Variants in RP1 observed in about 807,000 individuals in gnomAD.
RP1 encodes oxygen-regulated protein 1.
A neutral mutation model predicts 14.8 loss-of-function variants in RP1; 16 were observed. The ratio of observed to expected loss-of-function variants is 1.08; its 90% CI spans 0.73 to 1.65. RP1 has a LOEUF of 1.65. Among genes scored for constraint, RP1 ranks in the 40% most tolerant of loss-of-function variants. RP1 has a pLI of 0.00. For synonymous variants in RP1, 876 were observed against 883.6 expected (o/e 0.99, Z 0.15); for missense variants, 2,631 against 2,535.0 (o/e 1.04, Z -0.81).
rs553641193 is a variant in RP1 at position 54,701,134 on chromosome 8, C to T, written c.1822-352C>T. Among the ~76,000 whole-genome samples the T allele has an allele frequency of 7.6e-4, 116 of 152,064 alleles. 1 individual carries two copies. The highest frequency in any genetic ancestry group is 2.6e-3 in the African/African-American group (108 of 41,496). On this transcript the variant is annotated intron_variant, in intron 13 of 22. Transcript: ENST00000636932. ...TTTAGGAATGAGATAAAATTTCTAT[C>T]GATTTCAGTTTTTAGTCCCAAATAC...
chr8:54,810,779 T>C (rs190601555), intron 24 of RP1, among the ~76,000 whole-genome samples: 15 of 152,254 alleles, frequency 9.9e-5, no homozygotes, highest in African/African-American at 2.9e-4. Flanking sequence ...CACAGAAGAT[T>C]CACAACTGCA....
At position 54,628,181 on chromosome 8, in the gene RP1, A is replaced by G. The variant is rs148918111; in HGVS notation, c.4299A>G (p.Ala1433=). ...TAAGGAAGTTTCAGGATGAAAATGC[A>G]TATACTTCCTTTGATATGGAAGAAC... ...CSLRKFQDEN[A]YTSFDMEEPR... is the part of the protein sequence containing the mutation. The change falls in exon 4 of 4, where the codon GCA becomes GCG. Residue 1433 remains alanine (A), a synonymous_variant. Coordinates refer to ENST00000220676, the MANE Select transcript of RP1 (RefSeq NM_006269.2). 191 of 1,613,920 alleles carry G rather than the reference A, an allele frequency of 1.2e-4. No individual in the cohort carries two copies. The highest frequency in any genetic ancestry group is 1.9e-5 in the Non-Finnish European group (22 of 1,179,930).
At chr8:54,736,658 T>A (rs148966134) in intron 18 of RP1, among the ~76,000 whole-genome samples, 1 of 152,076 alleles carries the variant, frequency 6.6e-6, no homozygotes, top group African/African-American at 2.4e-5. Context: ...TGTGAATAGC[T>A]TTAGATTATT....
At chr8:54,816,382 C>T (rs6986865) in intron 24 of RP1, among the ~76,000 whole-genome samples, 43,842 of 152,000 alleles carry the variant, frequency 0.29, 6,675 homozygotes, top group South Asian at 0.37. Flanking sequence ...AGGAAGGAGT[C>T]CCCTGCTTTG....
chr8:54,599,021 G>C (rs549538100), intron 1 of RP1, among the ~76,000 whole-genome samples: 1 of 152,190 alleles, frequency 6.6e-6, no homozygotes, highest in South Asian at 2.1e-4. Context: ...TGCTAAATAA[G>C]TTTTCAACCA....
At chr8:54,620,046 T>C (rs1805817963) in intron 1 of RP1, among the ~76,000 whole-genome samples, 1 of 152,250 alleles carries the variant, frequency 6.6e-6, no homozygotes, top group South Asian at 2.1e-4. Flanking sequence ...CTGTTGTTTT[T>C]TAAATTGTGC....
chr8:54,661,478 T>A lies in RP1; in HGVS notation c.1172-2221T>A, dbSNP rs186745390. Among the ~76,000 whole-genome samples the A allele has an allele frequency of 7.9e-3, 1,152 of 146,492 alleles. 19 individuals are homozygous for A. The highest frequency in any genetic ancestry group is 0.027 in the African/African-American group (1,094 of 39,964). On this transcript the variant is annotated intron_variant, in intron 6 of 22. Coordinates refer to the RP1 transcript ENST00000636932. ...TGAGTGACAGAACCAGATCCTGTAT[T>A]AAAAAAAAAAGAAATCTTTAGATTC... is the stretch of plus-strand genomic sequence containing the variant.
chr8:54,694,882 T>C (rs1807817156), intron 12 of RP1, among the ~76,000 whole-genome samples: 1 of 152,208 alleles, frequency 6.6e-6, no homozygotes, highest in Admixed American at 6.5e-5. Context: ...TGTTTGCTCT[T>C]GCTTTTCTAG....
chr8:54,701,763 A>G (rs2129343578), intron 14 of RP1: 1 of 1,084,172 alleles, frequency 9.2e-7, no homozygotes, highest in Non-Finnish European at 1.3e-6. Context: ...CAGTAATCGA[A>G]TCACTTCCCA....
chr8:54,683,791 T>C (rs1460517622), intron 12 of RP1, among the ~76,000 whole-genome samples: 1 of 152,160 alleles, frequency 6.6e-6, no homozygotes, highest in African/African-American at 2.4e-5. Flanking sequence ...ACACTTTATT[T>C]CCTCCTCTTG....
chr8:54,663,672 T>G (rs1468055812), intron 6 of RP1: 4 of 1,504,966 alleles, frequency 2.7e-6, no homozygotes, highest in Non-Finnish European at 3.5e-6. Flanking sequence ...TGCTTGGCAC[T>G]GAAAGTTTTT....
At chr8:54,844,930 G>C (rs547022745) in intron 25 of RP1, among the ~76,000 whole-genome samples, 1 of 152,220 alleles carries the variant, frequency 6.6e-6, no homozygotes, top group Non-Finnish European at 1.5e-5. Flanking sequence ...CTTAGGGGGA[G>C]CTCCTCTAGC....
At chr8:54,645,004 T>C (rs1304923971) in intron 3 of RP1, among the ~76,000 whole-genome samples, 1 of 152,216 alleles carries the variant, frequency 6.6e-6, no homozygotes, top group African/African-American at 2.4e-5. Context: ...TATTCCAGCA[T>C]GACTTAATAT....
At chr8:54,737,175 C>G (rs574169705) in intron 18 of RP1, among the ~76,000 whole-genome samples, 5 of 152,256 alleles carry the variant, frequency 3.3e-5, no homozygotes, top group Admixed American at 3.3e-4. Flanking sequence ...AGACAAATGA[C>G]TTAACCTGTT....
intron 15 of RP1, among the ~76,000 whole-genome samples, chr8:54,710,316 G>C (rs1400571417): frequency 1.3e-5 from 2 of 152,230 alleles, no homozygotes; most frequent in African/African-American, 4.8e-5. Flanking sequence ...CTGGCCAGCT[G>C]CTTTAGCACC....
intron 12 of RP1, chr8:54,696,639 T>A (rs1043951431): frequency 1.2e-6 from 1 of 830,794 alleles, no homozygotes; most frequent in Non-Finnish European, 1.9e-6. Flanking sequence ...GCCTTAGAAT[T>A]GCCAGATAAA....
intron 24 of RP1, among the ~76,000 whole-genome samples, chr8:54,794,684 A>T (rs1421077600): frequency 6.6e-6 from 1 of 152,088 alleles, no homozygotes; most frequent in African/African-American, 2.4e-5. Context: ...GTTTTTGGCT[A>T]TGACACCAGA....
At chr8:54,659,781 A>G (rs2129328460) in intron 6 of RP1, among the ~76,000 whole-genome samples, 1 of 152,288 alleles carries the variant, frequency 6.6e-6, no homozygotes, top group Non-Finnish European at 1.5e-5. Context: ...TTTGATAGGG[A>G]CTGCATTTAA....
chr8:54,846,251 C>T (rs1318472024), intron 25 of RP1, among the ~76,000 whole-genome samples: 2 of 152,196 alleles, frequency 1.3e-5, no homozygotes, highest in Non-Finnish European at 1.5e-5. Flanking sequence ...GAAACAGACA[C>T]GTGTCGTGTA....
Sources: gnomAD v4.1 joint callset for allele counts (sites outside exome capture counted in the v4.1 genomes callset) on GRCh38, gnomAD v4.1.1 for gene constraint, MANE v1.5 for transcripts, NCBI Gene and HGNC (gene_info 2026-07-23, HGNC 2026-07-21) for gene names.